Variants in RCC2 observed in about 807,000 individuals in gnomAD.
RCC2 encodes protein RCC2.
A neutral mutation model predicts 64.1 loss-of-function variants in RCC2; 19 were observed. The observed-to-expected ratio is 0.30, with a 90% CI of 0.21 to 0.44. The LOEUF is 0.44. Among genes scored for constraint, RCC2 ranks in the 20% least tolerant of loss-of-function variants. The probability of loss-of-function intolerance (pLI) is 1.00; values close to 1 mark genes in which losing one functional copy is unlikely to be tolerated. For missense variants in RCC2, 508 were observed against 710.4 expected (o/e 0.72, Z 3.24); for synonymous variants, 325 against 279.6 (o/e 1.16, Z -1.62).
chr1:17,426,949 G>C (rs1197751339), intron 3 of RCC2, among the ~76,000 whole-genome samples: 1 of 151,984 alleles, frequency 6.6e-6, no homozygotes, highest in African/African-American at 2.4e-5. Flanking sequence ...ATTTAGTAGA[G>C]AGGGTTTCAC....
At chr1:17,425,775 G>A (rs908239010) in intron 3 of RCC2, 91 bp from the exon 4 acceptor site, 4 of 1,370,058 alleles carry the variant, frequency 2.9e-6, no homozygotes, top group African/African-American at 2.9e-5. Context: ...ACTTCCCGAG[G>A]GTACCAGGGA....
intron 11 of RCC2, among the ~76,000 whole-genome samples, chr1:17,410,764 C>G (rs1241262212): frequency 1.3e-5 from 2 of 152,168 alleles, no homozygotes; most frequent in Non-Finnish European, 2.9e-5. Context: ...GGCCTTCCCA[C>G]ACAGTAGATG....
intron 2 of RCC2, among the ~76,000 whole-genome samples, chr1:17,436,754 A>C (rs1002148542): frequency 6.6e-6 from 1 of 152,224 alleles, no homozygotes; most frequent in African/African-American, 2.4e-5. Context: ...TTGCTTTTGG[A>C]AACTCACTCA....
chr1:17,429,303 G>C (rs2075650004), intron 2 of RCC2, 104 bp from the exon 3 acceptor site: 1 of 871,024 alleles, frequency 1.1e-6, no homozygotes, highest in South Asian at 1.4e-5. Context: ...CATTCAGTTA[G>C]CCCTTATGTC....
intron 2 of RCC2, among the ~76,000 whole-genome samples, chr1:17,432,826 C>T (rs1465245065): frequency 2.6e-5 from 4 of 152,182 alleles, no homozygotes; most frequent in Non-Finnish European, 2.9e-5. Flanking sequence ...GGCATGGTGG[C>T]TCACGCCTGT....
chr1:17,416,097 G>GGGCC (rs2075481384), intron 8 of RCC2, among the ~76,000 whole-genome samples: 1 of 113,228 alleles, frequency 8.8e-6, no homozygotes, highest in African/African-American at 3.2e-5. Flanking sequence ...GGGCGGGGGG[G>GGGCC]ACAACCTACT....
chr1:17,428,216 C>T (rs1002293649), intron 3 of RCC2, among the ~76,000 whole-genome samples: 1 of 152,252 alleles, frequency 6.6e-6, no homozygotes, highest in African/African-American at 2.4e-5. Flanking sequence ...CAACAAGGCG[C>T]CATCAGCACC....
chr1:17,410,582 C>A (rs1042593226), intron 11 of RCC2, among the ~76,000 whole-genome samples: 1 of 152,142 alleles, frequency 6.6e-6, no homozygotes, highest in Non-Finnish European at 1.5e-5. Context: ...GATGAATTGG[C>A]GCAGCTAAGG....
chr1:17,417,117 T>C (rs6586538), intron 7 of RCC2, among the ~76,000 whole-genome samples: 96,084 of 152,056 alleles, frequency 0.63, 30,446 homozygotes, highest in South Asian at 0.69. Flanking sequence ...AAAAGCTCCA[T>C]ACACAATCCC....
Position 17,420,923 on chromosome 1 carries a change from C to G in RCC2, c.745-95G>C, listed in dbSNP as rs1387637197. On this transcript the variant is annotated intron_variant, in intron 6 of 12. Transcript: ENST00000375436. The stretch of plus-strand genomic sequence containing the variant: ...TTGGTGGGAAACAATTACTAGGTTA[C>G]AAACGGAAGTTTAATAAACTCAGTA... The G allele has an allele frequency of 3.9e-6, 3 of 768,166 alleles. No individual in the cohort carries two copies. The Admixed American group carries it at 8.7e-5, about 22-fold the overall frequency. 47.6% of individuals were successfully genotyped at this position (768,166 alleles called of 1,614,324 possible).
At chr1:17,429,523 T>C (rs1570201159) in intron 2 of RCC2, among the ~76,000 whole-genome samples, 1 of 150,796 alleles carries the variant, frequency 6.6e-6, no homozygotes, top group East Asian at 1.9e-4. Context: ...TGTACAGAGG[T>C]ATTTGCAGGA....
At chr1:17,421,071 A>G (rs1417038460) in intron 6 of RCC2, among the ~76,000 whole-genome samples, 2 of 152,152 alleles carry the variant, frequency 1.3e-5, no homozygotes, top group African/African-American at 2.4e-5. Flanking sequence ...CTGTCTCTTT[A>G]AGATCAATAA....
intron 11 of RCC2, 100 bp downstream of exon 11, chr1:17,412,022 T>A (rs1045514620): frequency 1.1e-5 from 11 of 1,044,600 alleles, no homozygotes; most frequent in Non-Finnish European, 1.6e-5. Flanking sequence ...CCAAATGTTT[T>A]TCTTCTGTGT....
intron 7 of RCC2, among the ~76,000 whole-genome samples, chr1:17,420,315 A>T (rs2075541918): frequency 6.6e-6 from 1 of 152,144 alleles, no homozygotes; most frequent in African/African-American, 2.4e-5. Flanking sequence ...AACCCGAAAT[A>T]ATCGCCCAGG....
intron 3 of RCC2, 87 bp from the exon 4 acceptor site, chr1:17,425,771 CGA>C: frequency 1.4e-6 from 2 of 1,416,348 alleles, no homozygotes; most frequent in South Asian, 2.6e-5. Context: ...AGCCACTTCC[CGA>C]GGGTACCAGG....
chr1:17,431,499 CAAAAAAAAAAAA>C (rs558362245), intron 2 of RCC2, among the ~76,000 whole-genome samples: 3 of 57,906 alleles, frequency 5.2e-5, no homozygotes, highest in East Asian at 5.1e-4. Context: ...AGCCCTGTCT[CAAAAAAAAAAAA>C]AAAAAAAAAA....
intron 2 of RCC2, among the ~76,000 whole-genome samples, chr1:17,437,975 C>T (rs1474399241): frequency 6.8e-6 from 1 of 146,344 alleles, no homozygotes; most frequent in Non-Finnish European, 1.5e-5. Flanking sequence ...CCGCCGCGGG[C>T]CCGGGCGCGC....
At chr1:17,428,430 GGT>G (rs1215309667) in intron 3 of RCC2, among the ~76,000 whole-genome samples, 2 of 152,218 alleles carry the variant, frequency 1.3e-5, no homozygotes, top group Non-Finnish European at 2.9e-5. Flanking sequence ...CCTGTTTTAA[GGT>G]GCCAAGACGA....
chr1:17,422,272 C>A lies in RCC2; in HGVS notation c.675G>T (p.Ala225=). The part of the protein sequence containing the change: ...LALTETGSVF[A]FGENKMGQLG... ...GCTGCCCCATCTTGTTTTCCCCAAA[C>A]GCAAACACGGAGCCCGTTTCTGGAA... The change falls in exon 6 of 13, where the codon GCG becomes GCT. Residue 225 remains alanine (A), a synonymous_variant. Coordinates refer to ENST00000375436, the MANE Select transcript of RCC2 (RefSeq NM_018715.4). 6.2e-7 allele frequency: 1 copy of A among 1,611,470 alleles called. No homozygotes were observed. Among genetic ancestry groups the A allele is most frequent in the Non-Finnish European group, 8.5e-7 (1 of 1,179,658 alleles).
Sources: allele counts gnomAD v4.1 joint callset (sites outside exome capture counted in the v4.1 genomes callset), GRCh38; gene constraint gnomAD v4.1.1; transcripts MANE v1.5; gene names NCBI Gene and HGNC (gene_info 2026-07-23, HGNC 2026-07-21).